Variants in SCHIP1 observed in about 807,000 individuals in gnomAD.
SCHIP1 encodes schwannomin interacting protein 1.
Under a neutral mutation model 29.7 loss-of-function variants are expected in SCHIP1, and 8 were observed. That is an observed-to-expected ratio of 0.27 (90% CI 0.16 to 0.49). SCHIP1 has a LOEUF of 0.49. Among genes scored for constraint, SCHIP1 ranks in the 20% least tolerant of loss-of-function variants. The pLI, the probability that SCHIP1 is intolerant of heterozygous loss-of-function variation, is 0.99. For missense variants in SCHIP1, 193 were observed against 294.6 expected (o/e 0.66, Z 2.52); for synonymous variants, 76 against 94.9 (o/e 0.80, Z 1.16).
At chr3:159,378,255 T>C in the SCHIP1 span, among the ~76,000 whole-genome samples, 1 of 152,214 alleles carries the variant, frequency 6.6e-6, no homozygotes, top group Non-Finnish European at 1.5e-5. Flanking sequence ...ATTCATTCTG[T>C]AGAGCTGGAT....
chr3:159,320,879 CT>C, the SCHIP1 span, among the ~76,000 whole-genome samples: 1 of 150,762 alleles, frequency 6.6e-6, no homozygotes, highest in Non-Finnish European at 1.5e-5. Context: ...GTGGTATCAT[CT>C]TCCTGGGGGG....
At chr3:159,558,002 C>G in the SCHIP1 span, among the ~76,000 whole-genome samples, 4 of 152,080 alleles carry the variant, frequency 2.6e-5, no homozygotes, top group Non-Finnish European at 5.9e-5. Context: ...GAGAAGGATC[C>G]GCAAGATATA....
At chr3:159,500,528 A>T in the SCHIP1 span, among the ~76,000 whole-genome samples, 1 of 152,104 alleles carries the variant, frequency 6.6e-6, no homozygotes, top group Admixed American at 6.5e-5. Flanking sequence ...CCTGGCCAAC[A>T]TGGTGAAATC....
the SCHIP1 span, among the ~76,000 whole-genome samples, chr3:159,746,700 CT>C: frequency 6.6e-6 from 1 of 152,172 alleles, no homozygotes; most frequent in South Asian, 2.1e-4. Context: ...CATTTCCAGC[CT>C]CTTTCCCTAT....
chr3:159,378,406 C>A, the SCHIP1 span, among the ~76,000 whole-genome samples: 4 of 152,142 alleles, frequency 2.6e-5, no homozygotes, highest in Non-Finnish European at 5.9e-5. Context: ...GGTATAATAT[C>A]AAACAGATCA....
chr3:159,522,106 CAGTT>C, the SCHIP1 span, among the ~76,000 whole-genome samples: 1 of 152,122 alleles, frequency 6.6e-6, no homozygotes, highest in South Asian at 2.1e-4. Context: ...ATTCTGCAGG[CAGTT>C]AGTTATGCAA....
At chr3:159,540,689 C>G in the SCHIP1 span, among the ~76,000 whole-genome samples, 1 of 152,012 alleles carries the variant, frequency 6.6e-6, no homozygotes, top group Non-Finnish European at 1.5e-5. Context: ...TTTGCACTAA[C>G]CTTTTATTTA....
chr3:159,291,098 C>T, the SCHIP1 span, among the ~76,000 whole-genome samples: 87 of 152,126 alleles, frequency 5.7e-4, 1 homozygote, highest in Admixed American at 5.2e-3. Context: ...CTGATTCCAG[C>T]TCTCAGGCAA....
At chr3:159,765,040 C>T in the SCHIP1 span, 7 of 1,553,076 alleles carry the variant, frequency 4.5e-6, no homozygotes, top group South Asian at 2.4e-5. Context: ...CCCGGTGCCA[C>T]CTATGGATTG....
the SCHIP1 span, among the ~76,000 whole-genome samples, chr3:159,343,340 T>A: frequency 1.3e-5 from 2 of 152,250 alleles, no homozygotes; most frequent in Non-Finnish European, 2.9e-5. Context: ...ATTAGTTATT[T>A]CTGCAAAGTC....
the SCHIP1 span, among the ~76,000 whole-genome samples, chr3:159,715,062 A>G: frequency 2.0e-5 from 3 of 152,224 alleles, no homozygotes; most frequent in African/African-American, 7.2e-5. Context: ...AGGAATGATC[A>G]GGCAGCAACA....
At chr3:159,350,489 T>C in the SCHIP1 span, among the ~76,000 whole-genome samples, 1 of 152,122 alleles carries the variant, frequency 6.6e-6, no homozygotes, top group South Asian at 2.1e-4. Flanking sequence ...ATATTTCAAT[T>C]TTTTTCCTCT....
chr3:159,328,015 C>T, the SCHIP1 span, among the ~76,000 whole-genome samples: 1 of 152,136 alleles, frequency 6.6e-6, no homozygotes, highest in Non-Finnish European at 1.5e-5. Flanking sequence ...GAGTTCTGTC[C>T]AATTCAGCAA....
chr3:159,349,769 C>A, the SCHIP1 span, among the ~76,000 whole-genome samples: 1 of 152,148 alleles, frequency 6.6e-6, no homozygotes, highest in Non-Finnish European at 1.5e-5. Flanking sequence ...TCGGGGTTTG[C>A]ATCTCTGAAC....
chr3:159,806,000 G>C, the SCHIP1 span, among the ~76,000 whole-genome samples: 1 of 152,052 alleles, frequency 6.6e-6, no homozygotes, highest in Non-Finnish European at 1.5e-5. Context: ...AGTACAGATG[G>C]AGTTTCACCA....
At chr3:159,451,188 G>A in the SCHIP1 span, among the ~76,000 whole-genome samples, 8 of 152,316 alleles carry the variant, frequency 5.3e-5, no homozygotes, top group African/African-American at 1.9e-4. Flanking sequence ...TTTGTCACAA[G>A]CATAGTTAGG....
At chr3:159,781,260 C>T in the SCHIP1 span, among the ~76,000 whole-genome samples, 1 of 152,160 alleles carries the variant, frequency 6.6e-6, no homozygotes, top group South Asian at 2.1e-4. Flanking sequence ...ACTGCAACCT[C>T]CACCTCTTAG....
chr3:159,412,639 C>T, the SCHIP1 span, among the ~76,000 whole-genome samples: 2 of 152,090 alleles, frequency 1.3e-5, no homozygotes, highest in Non-Finnish European at 2.9e-5. Flanking sequence ...TTGTATGGGT[C>T]CAAAGTGGTG....
chr3:159,681,485 T>A, the SCHIP1 span, among the ~76,000 whole-genome samples: 5 of 152,242 alleles, frequency 3.3e-5, no homozygotes, highest in Non-Finnish European at 7.3e-5. Flanking sequence ...CTCACATGCA[T>A]TTATAATTTT....
Sources: gnomAD v4.1 joint callset for allele counts (sites outside exome capture counted in the v4.1 genomes callset) on GRCh38, gnomAD v4.1.1 for gene constraint, MANE v1.5 for transcripts, NCBI Gene and HGNC (gene_info 2026-07-23, HGNC 2026-07-21) for gene names.